RCC1L: variants seen among roughly 807,000 people sequenced by gnomAD.
RCC1L encodes RCC1 like.
A neutral mutation model predicts 58.6 loss-of-function variants in RCC1L; 46 were observed. That is an observed-to-expected ratio of 0.79 (90% CI 0.62 to 1.00). The LOEUF is 1.00. RCC1L is among the 50% of genes least tolerant of loss of function. The pLI is 0.00. For missense variants in RCC1L, 636 were observed against 623.6 expected, an observed-to-expected ratio of 1.02 and a Z score of -0.21; for synonymous variants, 281 against 262.9, an observed-to-expected ratio of 1.07 and a Z score of -0.67.
At chr7:75,056,821 AG>A (rs1309449782) in intron 8 of RCC1L, 3 of 1,207,356 alleles carry the variant, frequency 2.5e-6, no homozygotes, top group African/African-American at 3.0e-5. Flanking sequence ...CCATGGCCAT[AG>A]TCCCTTCCTT....
intron 10 of RCC1L, among the ~76,000 whole-genome samples, chr7:75,035,777 G>T (rs1439977663): frequency 6.6e-6 from 1 of 151,988 alleles, no homozygotes; most frequent in Non-Finnish European, 1.5e-5. Flanking sequence ...TGAGGCAAGA[G>T]AATCATTTGA....
At position 75,073,489 on chromosome 7, in the gene RCC1L, C is replaced by T; in HGVS notation, c.249G>A (p.Gly83=). ...GVPSFVVPSS[G]PGPRAGARPR... ...GTCGGGCGCCGGCGCGGGGCCCGGG[C>T]CCGGAGCTGGGCACCACAAAGGAAG... is the stretch of plus-strand genomic sequence containing the variant. Residue 83 remains glycine (G), a synonymous_variant, in exon 1 of 11, where the codon GGG becomes GGA. Transcript: ENST00000610322. The T allele has an allele frequency of 1.4e-6, 2 of 1,391,324 alleles. No individual in the cohort carries two copies. Among genetic ancestry groups the T allele is most frequent in the Non-Finnish European group, 1.9e-6 (2 of 1,078,076 alleles). 86.2% of individuals were successfully genotyped at this position (1,391,324 alleles called of 1,614,324 possible).
chr7:75,033,503 T>TCACAAGGTCAG (rs1805362118), intron 10 of RCC1L, among the ~76,000 whole-genome samples: 3 of 152,024 alleles, frequency 2.0e-5, no homozygotes, highest in Non-Finnish European at 4.4e-5. Context: ...GAGACCAGCC[T>TCACAAGGTCAG]GGCCAAAATG....
At chr7:75,060,326 G>A (rs1806231393) in intron 6 of RCC1L, among the ~76,000 whole-genome samples, 1 of 152,248 alleles carries the variant, frequency 6.6e-6, no homozygotes, top group Non-Finnish European at 1.5e-5. Flanking sequence ...AGAGTCTACA[G>A]TTCAGTGCTC....
chr7:75,051,337 C>T (rs1283168715), intron 10 of RCC1L, among the ~76,000 whole-genome samples: 3 of 148,432 alleles, frequency 2.0e-5, no homozygotes, highest in Non-Finnish European at 3.0e-5. Context: ...CACACACACA[C>T]ATATATATAC....
intron 10 of RCC1L, among the ~76,000 whole-genome samples, chr7:75,034,369 A>T (rs1805388434): frequency 6.6e-6 from 1 of 152,170 alleles, no homozygotes; most frequent in South Asian, 2.1e-4. Context: ...ACAAAAAATT[A>T]GCCAAGCATG....
intron 10 of RCC1L, among the ~76,000 whole-genome samples, chr7:75,031,020 G>A (rs1805286778): frequency 6.6e-6 from 1 of 152,262 alleles, no homozygotes; most frequent in Non-Finnish European, 1.5e-5. Context: ...GCCAAGGCCA[G>A]TGCGGTTTCC....
At chr7:75,033,421 T>G (rs1805359448) in intron 10 of RCC1L, among the ~76,000 whole-genome samples, 1 of 151,840 alleles carries the variant, frequency 6.6e-6, no homozygotes, top group Non-Finnish European at 1.5e-5. Flanking sequence ...GTGGGCCAGG[T>G]GCAGTGACTC....
At position 75,064,624 on chromosome 7, in the gene RCC1L, T is replaced by G; in HGVS notation, c.608A>C (p.Tyr203Ser). 6.2e-7 allele frequency: 1 copy of G among 1,613,802 alleles called. No individual in the cohort carries two copies. Among genetic ancestry groups the G allele is most frequent in the Non-Finnish European group, 8.5e-7 (1 of 1,179,818 alleles). Residue 203 changes from tyrosine (Y) to serine (S), a missense_variant, in exon 4 of 11, where the codon TAT (tyrosine) becomes TCT (serine). Coordinates refer to ENST00000610322, the MANE Select transcript of RCC1L (RefSeq NM_030798.5). ...GACCACCTTTCTTCCACATTGCCCATAAGAATTGTTTCCCATGCTGAAGAC... is the reference window on the plus strand; with the variant it reads ...GACCACCTTTCTTCCACATTGCCCAGAAGAATTGTTTCCCATGCTGAAGAC... ...EGVFSMGNNS[Y>S]GQCGRKVVEN... is the part of the protein sequence containing the mutation.
rs1341116673 is a variant in RCC1L at position 75,063,304 on chromosome 7, G to A, written c.690C>T (p.Gly230=). ...CCATCTCTCTTACCTGGACCACCTGGCCATCGAAGTCCTGCATCCTGTGGA... is the reference window on the plus strand; with the variant it reads ...CCATCTCTCTTACCTGGACCACCTGACCATCGAAGTCCTGCATCCTGTGGA... The part of the protein sequence containing the change: ...HRVHRMQDFD[G]QVVQVACGQD... Residue 230 remains glycine, a synonymous_variant, in exon 5 of 11, where the codon GGC becomes GGT. Coordinates refer to ENST00000610322, the MANE Select transcript of RCC1L (RefSeq NM_030798.5). 8.7e-6 allele frequency: 14 copies of A among 1,613,682 alleles called. No homozygotes were observed. The highest frequency in any genetic ancestry group is 1.1e-5 in the Non-Finnish European group (13 of 1,179,864).
chr7:75,038,882 G>A (rs2131972295), downstream of RCC1L, among the ~76,000 whole-genome samples: 2 of 152,350 alleles, frequency 1.3e-5, no homozygotes, highest in East Asian at 3.9e-4. Flanking sequence ...GGGAAACCCA[G>A]TCTCGGGAGA....
intron 7 of RCC1L, chr7:75,058,281 G>C: frequency 2.7e-6 from 1 of 369,724 alleles, no homozygotes. Context: ...CTGTCACCCA[G>C]GCTGGAATGT....
At chr7:75,041,633 C>A (rs1337555507), downstream of RCC1L, among the ~76,000 whole-genome samples, 1 of 151,886 alleles carries the variant, frequency 6.6e-6, no homozygotes, top group Non-Finnish European at 1.5e-5. Flanking sequence ...CCGAGGCAGG[C>A]AGATCGTCTG....
At chr7:75,043,154 CGGA>C (rs1432943619) in intron 10 of RCC1L, 45 bp from the exon 11 acceptor site, 1 of 1,610,584 alleles carries the variant, frequency 6.2e-7, no homozygotes, top group Non-Finnish European at 8.5e-7. Context: ...GTGGCGCACC[CGGA>C]GGAGACAGGC....
At chr7:75,072,526 C>G (rs200780718) in intron 1 of RCC1L, among the ~76,000 whole-genome samples, 1 of 151,996 alleles carries the variant, frequency 6.6e-6, no homozygotes, top group Non-Finnish European at 1.5e-5. Flanking sequence ...AAGGAAAACT[C>G]AGTACTACAG....
intron 5 of RCC1L, among the ~76,000 whole-genome samples, chr7:75,062,050 T>C (rs1404196827): frequency 5.9e-5 from 9 of 152,076 alleles, no homozygotes; most frequent in African/African-American, 2.2e-4. Context: ...TAGCCAGGTA[T>C]GGTGGCACAT....
chr7:75,048,082 C>T (rs1554442974), intron 10 of RCC1L, among the ~76,000 whole-genome samples: 1 of 149,448 alleles, frequency 6.7e-6, no homozygotes, highest in African/African-American at 2.5e-5. Context: ...GCCTGGGCAA[C>T]ATGGTGAAAC....
At chr7:75,041,192 C>T (rs1338252636), downstream of RCC1L, among the ~76,000 whole-genome samples, 6 of 150,476 alleles carry the variant, frequency 4.0e-5, no homozygotes, top group Admixed American at 2.0e-4. Flanking sequence ...CCAGCCTGGG[C>T]GACAGAGCGA....
chr7:75,040,276 A>G (rs1329608830), downstream of RCC1L, among the ~76,000 whole-genome samples: 1 of 152,196 alleles, frequency 6.6e-6, no homozygotes, highest in African/African-American at 2.4e-5. Flanking sequence ...CCTGGCCAAC[A>G]TAACAAAATT....
Sources: allele counts gnomAD v4.1 joint callset (sites outside exome capture counted in the v4.1 genomes callset), GRCh38; gene constraint gnomAD v4.1.1; transcripts MANE v1.5; gene names NCBI Gene and HGNC (gene_info 2026-07-23, HGNC 2026-07-21).